Variants in PHLPP2 observed in about 807,000 individuals in gnomAD.
The protein encoded by PHLPP2 is PH domain and leucine rich repeat protein phosphatase 2, also known as PH domain leucine-rich repeat-containing protein phosphatase 2.
In PHLPP2, 66 loss-of-function variants were observed where a neutral mutation model predicts 124.9. That is an observed-to-expected ratio of 0.53 (90% confidence interval 0.43 to 0.65). The LOEUF (loss-of-function observed/expected upper bound fraction) is 0.65, where lower values mean the gene tolerates loss of function less well. Ranked by LOEUF, PHLPP2 falls within the 30% of genes least tolerant of loss-of-function variation. PHLPP2 has a pLI of 0.00. For synonymous variants in PHLPP2, 681 were observed against 624.7 expected, an observed-to-expected ratio of 1.09 and a Z score of -1.34; for missense variants, 1,685 against 1,600.4, an observed-to-expected ratio of 1.05 and a Z score of -0.90.
intron 13 of PHLPP2, among the ~76,000 whole-genome samples, chr16:71,662,372 G>A (rs1342613060): frequency 6.6e-6 from 1 of 151,888 alleles, no homozygotes; most frequent in Non-Finnish European, 1.5e-5. Flanking sequence ...AGAGGTTGCA[G>A]TGAGCCAAGA....
intron 12 of PHLPP2, chr16:71,666,306 A>G (rs2044839375): frequency 6.6e-6 from 1 of 152,298 alleles, no homozygotes; most frequent in Admixed American, 6.5e-5. Context: ...ACTTGAGTCC[A>G]GGAGTTTGAG....
intron 14 of PHLPP2, 59 bp downstream of exon 14, chr16:71,658,594 G>C: frequency 6.7e-7 from 1 of 1,503,654 alleles, no homozygotes; most frequent in Non-Finnish European, 9.1e-7. Context: ...GGAAAATAAT[G>C]TCATTCACTC....
chr16:71,688,169 C>G (rs2045071652), intron 4 of PHLPP2, among the ~76,000 whole-genome samples: 1 of 152,154 alleles, frequency 6.6e-6, no homozygotes, highest in Non-Finnish European at 1.5e-5. Context: ...AAAGTCTATC[C>G]CATTTTAAAG....
At position 71,649,444 on chromosome 16, in the gene PHLPP2, T is replaced by C. The variant is rs2044678448; in HGVS notation, c.3418A>G (p.Ser1140Gly). ...QRQPSSATFSSNQSDNGLDSD... is the reference protein window; with the variant it reads ...QRQPSSATFSGNQSDNGLDSD... The stretch of plus-strand genomic sequence containing the variant: ...TCCAGGCCGTTGTCAGACTGGTTAC[T>C]GGAGAAGGTAGCAGAAGAAGGCTGG... The change falls in exon 19 of 19, where the codon AGT becomes GGT. Residue 1140 changes from serine to glycine, a missense_variant. Transcript: ENST00000568954. 6.2e-7 allele frequency: 1 copy of C among 1,614,110 alleles called. No individual in the cohort carries two copies. The highest frequency in any genetic ancestry group is 8.5e-7 in the Non-Finnish European group (1 of 1,180,000).
In PHLPP2 at chr16:71,690,603, G is replaced by A. The variant is rs1375054190; in HGVS notation, c.525C>T (p.Val175=). The change falls in exon 4 of 19, where the codon GTC becomes GTT. Residue 175 remains valine (V), a synonymous_variant. Coordinates refer to ENST00000568954, the MANE Select transcript of PHLPP2 (RefSeq NM_015020.3). ...AAACGATAAGGCAGGTACCACAGAG[G>A]ACAACTAGGCGCTCAGCCCACTTAT... is the stretch of plus-strand genomic sequence containing the variant. The part of the protein sequence containing the change: ...QLHKWAERLV[V]LCGTCLIVSS... 2 of 1,611,698 alleles carry A rather than the reference G, an allele frequency of 1.2e-6. No homozygotes were observed. Among genetic ancestry groups the A allele is most frequent in the African/African-American group, 2.7e-5 (2 of 74,874 alleles).
rs137910373 is a variant in PHLPP2, at chr16:71,714,641, G to C, written c.155C>G (p.Ser52Cys). 7.3e-5 allele frequency: 117 copies of C among 1,613,642 alleles called. No homozygotes were observed. Among genetic ancestry groups the C allele is most frequent in the Non-Finnish European group, 9.6e-5 (113 of 1,179,710 alleles). ...AGAGGAAGAGGAGGAGGAGGAAGAG[G>C]AAGAGGAGGTGGTGGTGGTTGTAGT... is the stretch of plus-strand genomic sequence containing the variant. ...TATTTTTTSS[S>C]SSSSSSSSDL... The change falls in exon 2 of 19, where the codon TCC (serine) becomes TGC (cysteine). Residue 52 changes from serine to cysteine, a missense_variant. Transcript: ENST00000568954.
chr16:71,720,114 C>T (rs2045389181), intron 1 of PHLPP2, among the ~76,000 whole-genome samples: 2 of 151,580 alleles, frequency 1.3e-5, no homozygotes, highest in Middle Eastern at 3.4e-3. Flanking sequence ...GGACTACAGG[C>T]GCCCACCACC....
chr16:71,704,669 A>T (rs2045260782), intron 2 of PHLPP2, among the ~76,000 whole-genome samples: 1 of 152,224 alleles, frequency 6.6e-6, no homozygotes, highest in Non-Finnish European at 1.5e-5. Context: ...AACGACCAAT[A>T]AAGATTGAAT....
rs1567619147 is a variant in PHLPP2 at position 71,678,740 on chromosome 16, A to G, written c.1268+15T>C. The G allele has an allele frequency of 1.5e-6, 2 of 1,328,538 alleles. No homozygotes were observed. Among genetic ancestry groups the G allele is most frequent in the Non-Finnish European group, 2.2e-6 (2 of 919,984 alleles). The allele number at this position is 1,328,538 out of a possible 1,614,324, so 82.3% of individuals were successfully genotyped here. A position where few individuals can be genotyped will look rare whatever the true frequency, so the allele number is the denominator to read the frequency against. On this transcript the variant is annotated intron_variant, in intron 8 of 18. Coordinates refer to ENST00000568954, the MANE Select transcript of PHLPP2 (RefSeq NM_015020.3). ...GAGTCAATTTAAAGGAAGGTGTGGT[A>G]AAGAATAACCTTACCTTAAATCCAC... is the stretch of plus-strand genomic sequence containing the variant.
intron 12 of PHLPP2, among the ~76,000 whole-genome samples, chr16:71,666,732 T>G (rs1294808038): frequency 6.6e-6 from 1 of 152,176 alleles, no homozygotes; most frequent in Admixed American, 6.5e-5. Context: ...ACAAAAAGGT[T>G]TGCACATAAA....
rs964864962 is a variant in PHLPP2, at chr16:71,699,986, G to A, written c.418+2612C>T. Among the ~76,000 whole-genome samples the A allele has an allele frequency of 6.6e-5, 10 of 152,302 alleles. No individual in the cohort carries two copies. In the East Asian group the frequency reaches 1.3e-3, roughly 21 times the overall value. ...GCGTCCAATCAGCTAGCCAGTTCAC[G>A]CACTCATTCACCTGCGCATTCCCTC... On this transcript the variant is annotated intron_variant, in intron 3 of 18. Coordinates refer to ENST00000568954, the MANE Select transcript of PHLPP2 (RefSeq NM_015020.3).
intron 17 of PHLPP2, among the ~76,000 whole-genome samples, chr16:71,654,542 A>C (rs2044726113): frequency 6.6e-6 from 1 of 152,232 alleles, no homozygotes; most frequent in African/African-American, 2.4e-5. Context: ...CCAGCCAGCC[A>C]CTTGATCACA....
In PHLPP2 at chr16:71,649,516, G is replaced by A. The variant is rs566728451; in HGVS notation, c.3346C>T (p.Arg1116Trp). 6.8e-6 allele frequency: 11 copies of A among 1,613,960 alleles called. No individual in the cohort carries two copies. Among genetic ancestry groups the A allele is most frequent in the South Asian group, 5.5e-5 (5 of 91,076 alleles). Residue 1116 changes from arginine (R) to tryptophan (W), a missense_variant, in exon 19 of 19, where the codon CGG becomes TGG. Coordinates refer to ENST00000568954, the MANE Select transcript of PHLPP2 (RefSeq NM_015020.3). ...LDTALLPRPE[R>W]RCSLHPTPTS... ...GGTGTTGGGTGGAGGCTGCAGCGCC[G>A]CTCTGGCCTCGGAAGCAAGGCAGTG...
At chr16:71,714,845 A>G in intron 1 of PHLPP2, 44 bp from the exon 2 acceptor site, 2 of 1,571,422 alleles carry the variant, frequency 1.3e-6, no homozygotes, top group South Asian at 1.2e-5. Flanking sequence ...AGAACATCTG[A>G]CTGAATTAGA....
At chr16:71,688,826 C>T (rs1024229338) in intron 4 of PHLPP2, among the ~76,000 whole-genome samples, 10 of 152,128 alleles carry the variant, frequency 6.6e-5, no homozygotes, top group African/African-American at 1.4e-4. Flanking sequence ...TGGGCTCCTG[C>T]CCCATGGTTG....
chr16:71,649,805 G>GCT lies in PHLPP2; in HGVS notation c.3055_3056dup (p.Ser1019ArgfsTer9). 6.2e-7 allele frequency: 1 copy of GCT among 1,614,216 alleles called. No individual in the cohort carries two copies. The highest frequency in any genetic ancestry group is 8.5e-7 in the Non-Finnish European group (1 of 1,180,030). On this transcript the variant is annotated frameshift_variant, in exon 19 of 19. Transcript: ENST00000568954. LOFTEE classifies it high-confidence loss of function. ...CCCCTACATTGTCCTGACAGCCATA[G>GCT]CTCTGCGCTAATGTGCACAGCTTCT...
At chr16:71,681,934 T>G (rs758069121) in intron 5 of PHLPP2, 29 bp from the exon 6 acceptor site, 1 of 1,561,998 alleles carries the variant, frequency 6.4e-7, no homozygotes, top group Admixed American at 1.8e-5. Flanking sequence ...AAGAGCCTTC[T>G]GAGCTAGTAC....
rs758899751 is a variant in PHLPP2, at chr16:71,653,006, A to T, written c.2601T>A (p.Ala867=). ...FLVSHRKLGM[A]GQKLGSSALL... is the part of the protein sequence containing the mutation. ...GAGCGGAGGAGCCCAACTTCTGGCC[A>T]GCCATTCCTAATTTCCTGTTCAGAA... Residue 867 remains alanine (A), a synonymous_variant, in exon 18 of 19, where the codon GCT becomes GCA. Coordinates refer to ENST00000568954, the MANE Select transcript of PHLPP2 (RefSeq NM_015020.3). 1 of 1,612,094 alleles carries T rather than the reference A, an allele frequency of 6.2e-7. No individual in the cohort carries two copies. Among genetic ancestry groups the T allele is most frequent in the South Asian group, 1.1e-5 (1 of 91,050 alleles).
chr16:71,715,823 C>CA (rs71153656), intron 1 of PHLPP2, among the ~76,000 whole-genome samples: 5,246 of 112,818 alleles, frequency 0.046, 311 homozygotes, highest in African/African-American at 0.15. Context: ...ACTAAAAATA[C>CA]AAAAAAAAAA....
Sources: allele counts gnomAD v4.1 joint callset (sites outside exome capture counted in the v4.1 genomes callset), GRCh38; gene constraint gnomAD v4.1.1; transcripts MANE v1.5; gene names NCBI Gene and HGNC (gene_info 2026-07-23, HGNC 2026-07-21).